REPS2: variants seen among roughly 807,000 people sequenced by gnomAD.
REPS2 encodes the protein ralBP1-associated Eps domain-containing protein 2.
Under a neutral mutation model 53.6 loss-of-function variants are expected in REPS2, and 23 were observed. That is an observed-to-expected ratio of 0.43 (90% CI 0.31 to 0.61). REPS2 has a LOEUF of 0.61. Among genes scored for constraint, REPS2 ranks in the 20% least tolerant of loss-of-function variants. The pLI, the probability that REPS2 is intolerant of heterozygous loss-of-function variation, is 0.11. For missense variants in REPS2, 446 were observed against 534.9 expected, an observed-to-expected ratio of 0.83 and a Z score of 1.64; for synonymous variants, 238 against 218.6, an observed-to-expected ratio of 1.09 and a Z score of -0.78.
chrX:16,961,582 G>A (rs2060662138), intron 1 of REPS2, among the ~76,000 whole-genome samples: 1 of 111,752 alleles, frequency 8.9e-6, no homozygotes. Flanking sequence ...ATCGGCCTTG[G>A]CAATGATTTT....
chrX:17,107,557 G>C (rs1457533416), intron 14 of REPS2, among the ~76,000 whole-genome samples: 7 of 112,321 alleles, frequency 6.2e-5, no homozygotes, highest in Non-Finnish European at 1.1e-4. Context: ...ATGAAGTATA[G>C]GTTTTCAGCA....
intron 14 of REPS2, among the ~76,000 whole-genome samples, chrX:17,107,384 C>T (rs894242248): frequency 1.1e-4 from 12 of 112,183 alleles, no homozygotes; most frequent in African/African-American, 3.9e-4. Flanking sequence ...AACTACTATT[C>T]TCAAGTAGTT....
At chrX:17,154,316 C>G (rs925739896), downstream of REPS2, among the ~76,000 whole-genome samples, 1 of 111,868 alleles carries the variant, frequency 8.9e-6, no homozygotes, top group African/African-American at 3.3e-5. Flanking sequence ...CTCCTTCCAT[C>G]GATATTTATT....
At chrX:17,070,458 T>C (rs2062289169) in intron 11 of REPS2, among the ~76,000 whole-genome samples, 1 of 111,691 alleles carries the variant, frequency 9.0e-6, no homozygotes, top group East Asian at 2.8e-4. Context: ...ATATATGGAG[T>C]GGATTCCAAG....
At chrX:17,131,626 A>G (rs1279026102) in intron 14 of REPS2, among the ~76,000 whole-genome samples, 1 of 112,114 alleles carries the variant, frequency 8.9e-6, no homozygotes, top group African/African-American at 3.2e-5. Flanking sequence ...TTTTGGCATC[A>G]CTGGCTACTA....
intron 1 of REPS2, among the ~76,000 whole-genome samples, chrX:16,952,916 A>G (rs1158941490): frequency 9.0e-6 from 1 of 111,041 alleles, no homozygotes; most frequent in Non-Finnish European, 1.9e-5. Flanking sequence ...AGCTGAGGTC[A>G]GGAGTTTGAA....
At chrX:17,144,618 A>G (rs1452461252) in intron 17 of REPS2, among the ~76,000 whole-genome samples, 4 of 112,236 alleles carry the variant, frequency 3.6e-5, no homozygotes, top group Non-Finnish European at 7.5e-5. Flanking sequence ...TAGCCCCTCA[A>G]TTAATTCCCA....
intron 14 of REPS2, among the ~76,000 whole-genome samples, chrX:17,106,317 A>G (rs2062872694): frequency 9.0e-6 from 1 of 111,720 alleles, no homozygotes; most frequent in Non-Finnish European, 1.9e-5. Flanking sequence ...AACCACTGCT[A>G]AAGGAAATTA....
chrX:17,143,556 A>C (rs193275948), intron 17 of REPS2, among the ~76,000 whole-genome samples: 23 of 89,603 alleles, frequency 2.6e-4, no homozygotes, highest in African/African-American at 9.9e-4. Context: ...TTTTTTTCTC[A>C]TTCTCCCTTA....
chrX:17,047,550 C>A, intron 6 of REPS2, 68 bp downstream of exon 6: 8 of 1,119,923 alleles, frequency 7.1e-6, no homozygotes, highest in Middle Eastern at 2.4e-4. Context: ...AAATCATTCA[C>A]GCAAAATGAG....
intron 11 of REPS2, among the ~76,000 whole-genome samples, chrX:17,071,937 C>T (rs1037400570): frequency 1.9e-4 from 21 of 111,753 alleles, no homozygotes; most frequent in Admixed American, 1.3e-3. Flanking sequence ...AAACCAATAT[C>T]CCATTCCAAC....
At chrX:17,119,868 C>CTTTTTTTTTTTTTTTTTT (rs35141257) in intron 14 of REPS2, among the ~76,000 whole-genome samples, 1 of 40,516 alleles carries the variant, frequency 2.5e-5, no homozygotes, top group African/African-American at 1.2e-4. Flanking sequence ...CGCACTGTGA[C>CTTTTTTTTTTTTTTTTTT]TTTTTTTTTT....
chrX:16,958,179 G>A (rs1602501448), intron 1 of REPS2, among the ~76,000 whole-genome samples: 1 of 111,463 alleles, frequency 9.0e-6, no homozygotes, highest in Non-Finnish European at 1.9e-5. Context: ...ATGTAAAAAC[G>A]GGGAGTTTCC....
intron 4 of REPS2, among the ~76,000 whole-genome samples, chrX:17,028,750 A>C (rs1373971954): frequency 8.9e-6 from 1 of 112,228 alleles, no homozygotes; most frequent in Non-Finnish European, 1.9e-5. Context: ...CATTTTACTT[A>C]TTTATATATT....
chrX:16,969,411 G>A (rs1268232969), intron 1 of REPS2, among the ~76,000 whole-genome samples: 1 of 110,431 alleles, frequency 9.1e-6, no homozygotes, highest in African/African-American at 3.3e-5. Context: ...CCGAGATCAC[G>A]CCACTGCACT....
chrX:16,975,679 A>G (rs2060947265), intron 1 of REPS2, among the ~76,000 whole-genome samples: 1 of 111,969 alleles, frequency 8.9e-6, no homozygotes, highest in Non-Finnish European at 1.9e-5. Context: ...AGTGTTAACT[A>G]TTTTTAGATA....
chrX:17,159,648 C>T, the REPS2 span, among the ~76,000 whole-genome samples: 8 of 111,511 alleles, frequency 7.2e-5, no homozygotes, highest in Non-Finnish European at 7.5e-5. Context: ...GCCCCCCAGC[C>T]CCCCAATGCA....
At chrX:17,009,246 C>T (rs1172937780) in intron 2 of REPS2, among the ~76,000 whole-genome samples, 2 of 111,535 alleles carry the variant, frequency 1.8e-5, no homozygotes, top group African/African-American at 6.5e-5. Context: ...GCAGCCTTGA[C>T]TTCCTGGGTG....
intron 6 of REPS2, among the ~76,000 whole-genome samples, chrX:17,049,564 A>G (rs372349698): frequency 4.0e-4 from 45 of 112,217 alleles, no homozygotes; most frequent in East Asian, 1.9e-3. Flanking sequence ...TAAAGAAAGA[A>G]AATATTTTTG....
Sources: allele counts gnomAD v4.1 joint callset (sites outside exome capture counted in the v4.1 genomes callset), GRCh38; gene constraint gnomAD v4.1.1; transcripts MANE v1.5; gene names NCBI Gene and HGNC (gene_info 2026-07-23, HGNC 2026-07-21).